IQSEC2: variants seen among roughly 807,000 people sequenced by gnomAD.
The protein encoded by IQSEC2 is IQ motif and Sec7 domain ArfGEF 2.
Under a neutral mutation model 74.6 loss-of-function variants are expected in IQSEC2, and 6 were observed. The ratio of observed to expected loss-of-function variants is 0.08; its 90% CI spans 0.04 to 0.16. IQSEC2 has a LOEUF of 0.16. Among genes scored for constraint, IQSEC2 ranks in the 10% least tolerant of loss-of-function variants. The pLI is 1.00. For missense variants in IQSEC2, 734 were observed against 1,306.2 expected, an observed-to-expected ratio of 0.56 and a Z score of 6.75; for synonymous variants, 494 against 544.5, an observed-to-expected ratio of 0.91 and a Z score of 1.29.
intron 2 of IQSEC2, among the ~76,000 whole-genome samples, chrX:53,265,982 C>T (rs1373584412): frequency 8.9e-6 from 1 of 112,485 alleles, no homozygotes; most frequent in East Asian, 2.8e-4. Context: ...GAATGTGTCA[C>T]TGAATCATTG....
intron 2 of IQSEC2, among the ~76,000 whole-genome samples, chrX:53,284,836 AATCCCAGCCTGCTGTTGGCCAGGCCG>A (rs2075009789): frequency 9.0e-6 from 1 of 111,453 alleles, no homozygotes; most frequent in Non-Finnish European, 1.9e-5. Flanking sequence ...TGGCCACTAG[AATCCCAGCCTGCTGTTGGCCAGGCCG>A]ACCCAGGAGG....
chrX:53,242,300 G>C (rs1468176726), intron 9 of IQSEC2, among the ~76,000 whole-genome samples: 3 of 108,528 alleles, frequency 2.8e-5, no homozygotes, highest in South Asian at 4.1e-4. Context: ...TGGGTGTGGT[G>C]GTGGGCGCCT....
At chrX:53,288,013 T>G (rs904510284) in intron 2 of IQSEC2, among the ~76,000 whole-genome samples, 2 of 111,855 alleles carry the variant, frequency 1.8e-5, no homozygotes, top group African/African-American at 6.5e-5. Flanking sequence ...GGCTCATCTG[T>G]GTCTGCAGCA....
At position 53,250,151 on chromosome X, in the gene IQSEC2, G is replaced by A. The variant is rs781805685; in HGVS notation, c.2297+128C>T. 191 of 793,638 alleles carry A rather than the reference G, an allele frequency of 2.4e-4. 1 individual carries two copies. The South Asian group carries it at 4.1e-3, about 17-fold the overall frequency. The allele number at this position is 793,638 out of a possible 1,213,427, so 65.4% of individuals were successfully genotyped here. ...CAATCCTCTTCCCTGAATGTCTGGG[G>A]AGAAATACCATTCCACAAAATGAAA... On this transcript the variant is annotated intron_variant, in intron 5 of 14. Coordinates refer to ENST00000642864, the MANE Select transcript of IQSEC2 (RefSeq NM_001111125.3).
chrX:53,294,594 T>G (rs1378967017), intron 1 of IQSEC2, among the ~76,000 whole-genome samples: 1 of 111,783 alleles, frequency 8.9e-6, no homozygotes, highest in Non-Finnish European at 1.9e-5. Flanking sequence ...GTTCTTCACC[T>G]GTAAAGTGAT....
chrX:53,267,200 G>C, intron 2 of IQSEC2: 1 of 959,642 alleles, frequency 1.0e-6, no homozygotes, highest in Non-Finnish European at 1.4e-6. Flanking sequence ...ATGGGGGTCA[G>C]GGTGGGGAGG....
rs147533814 is a variant in IQSEC2 at position 53,314,491 on chromosome X, C to T, written c.707+5926G>A. On this transcript the variant is annotated intron_variant, in intron 1 of 14. Coordinates refer to ENST00000642864, the MANE Select transcript of IQSEC2 (RefSeq NM_001111125.3). ...GCTCATTGAGAGGGTCAAGGATAGA[C>T]CAAACATCAGAGACACCAGCAAACA... Among the ~76,000 whole-genome samples, 169 of 111,549 alleles carry T rather than the reference C, an allele frequency of 1.5e-3. 1 individual carries two copies. Among genetic ancestry groups the T allele is most frequent in the African/African-American group, 5.3e-3 (164 of 30,673 alleles).
chrX:53,237,359 C>A (rs1404076628), intron 12 of IQSEC2: 2 of 111,878 alleles, frequency 1.8e-5, no homozygotes, highest in African/African-American at 3.3e-5. Context: ...ATCTGGTGAA[C>A]TGAAATTTCT....
intron 1 of IQSEC2, among the ~76,000 whole-genome samples, chrX:53,297,005 A>AT (rs1405956963): frequency 0.011 from 1,064 of 100,150 alleles, 8 homozygotes; most frequent in South Asian, 0.016. Context: ...GGTGGTCTAC[A>AT]TTTTTTTTTT....
chrX:53,248,054 C>T (rs943317650), intron 7 of IQSEC2, 60 bp downstream of exon 7: 1 of 1,183,055 alleles, frequency 8.5e-7, no homozygotes, highest in African/African-American at 1.8e-5. Context: ...CTTATAAACA[C>T]ATACTACGTC....
chrX:53,241,734 G>A (rs2147048959), intron 10 of IQSEC2, 50 bp downstream of exon 10: 2 of 1,202,172 alleles, frequency 1.7e-6, no homozygotes, highest in Non-Finnish European at 2.3e-6. Flanking sequence ...CCAGACTTAG[G>A]TGTCAAGCTC....
chrX:53,294,960 T>G (rs1387687423), intron 1 of IQSEC2, among the ~76,000 whole-genome samples: 2 of 111,712 alleles, frequency 1.8e-5, no homozygotes, highest in Non-Finnish European at 3.8e-5. Flanking sequence ...GTAGCTGGGA[T>G]TACAGGTGCC....
intron 2 of IQSEC2, among the ~76,000 whole-genome samples, chrX:53,281,046 G>A (rs1286362905): frequency 1.8e-5 from 2 of 112,590 alleles, no homozygotes; most frequent in African/African-American, 6.4e-5. Flanking sequence ...TCTTCTTATC[G>A]AAGGCTCTGG....
intron 2 of IQSEC2, among the ~76,000 whole-genome samples, chrX:53,287,096 C>T (rs1216639464): frequency 2.7e-5 from 3 of 111,023 alleles, no homozygotes; most frequent in Admixed American, 9.6e-5. Context: ...CCTGGTCCCA[C>T]TTCCAGTTGG....
chrX:53,278,371 C>T (rs2074879674), intron 2 of IQSEC2, among the ~76,000 whole-genome samples: 1 of 111,075 alleles, frequency 9.0e-6, no homozygotes, highest in Admixed American at 9.6e-5. Flanking sequence ...AAATCCCCTT[C>T]CTTATTTCTT....
At chrX:53,267,152 G>A (rs1363966881) in intron 2 of IQSEC2, 87 of 1,084,213 alleles carry the variant, frequency 8.0e-5, no homozygotes, top group Non-Finnish European at 1.0e-4. Flanking sequence ...GGGGAGATAC[G>A]CGAAGGGCCA....
At chrX:53,312,513 T>A (rs916555105) in intron 1 of IQSEC2, among the ~76,000 whole-genome samples, 4 of 112,579 alleles carry the variant, frequency 3.6e-5, no homozygotes, top group African/African-American at 1.3e-4. Context: ...CCTCTCTCTC[T>A]GAAATGTGGT....
chrX:53,241,886 T>A lies in IQSEC2; in HGVS notation c.2913A>T (p.Arg971=). 5.8e-6 allele frequency: 7 copies of A among 1,209,760 alleles called. No homozygotes were observed. Among genetic ancestry groups the A allele is most frequent in the Non-Finnish European group, 7.8e-6 (7 of 894,531 alleles). Residue 971 remains arginine, a synonymous_variant, in exon 10 of 15, where the codon CGA becomes CGT. Coordinates refer to ENST00000642864, the MANE Select transcript of IQSEC2 (RefSeq NM_001111125.3). ...CGTAGAGCTGGCAGCAGCAAACCAGTCGACGGTGAGGGAGAGACAGGACCT... is the reference window on the plus strand; with the variant it reads ...CGTAGAGCTGGCAGCAGCAAACCAGACGACGGTGAGGGAGAGACAGGACCT... The part of the protein sequence containing the change: ...KKPVLSLPHR[R]LVCCCQLYEV...
chrX:53,274,023 T>C (rs2074782959), intron 2 of IQSEC2, among the ~76,000 whole-genome samples: 2 of 112,873 alleles, frequency 1.8e-5, no homozygotes, highest in South Asian at 7.2e-4. Flanking sequence ...CTTTAACATG[T>C]TTGCAGTCTG....
Sources: allele counts gnomAD v4.1 joint callset (sites outside exome capture counted in the v4.1 genomes callset), GRCh38; gene constraint gnomAD v4.1.1; transcripts MANE v1.5; gene names NCBI Gene and HGNC (gene_info 2026-07-23, HGNC 2026-07-21).